Variants in PRKCB observed in about 807,000 individuals in gnomAD.
PRKCB encodes protein kinase C beta.
Under a neutral mutation model 81.5 loss-of-function variants are expected in PRKCB, and 13 were observed. The observed-to-expected ratio is 0.16, with a 90% confidence interval of 0.10 to 0.25. The LOEUF is 0.25. Ranked by LOEUF, PRKCB falls within the 10% of genes least tolerant of loss-of-function variation. The probability of loss-of-function intolerance (pLI) is 1.00; values close to 1 mark genes in which losing one functional copy is unlikely to be tolerated. For synonymous variants in PRKCB, 335 were observed against 321.4 expected, an observed-to-expected ratio of 1.04 and a Z score of -0.45; for missense variants, 509 against 875.7, an observed-to-expected ratio of 0.58 and a Z score of 5.29.
At chr16:23,907,758 CGGGA>C (rs1453005120) in intron 2 of PRKCB, among the ~76,000 whole-genome samples, 1 of 151,976 alleles carries the variant, frequency 6.6e-6, no homozygotes, top group East Asian at 1.9e-4. Context: ...CGGTCGACTC[CGGGA>C]GGAACAGAGG....
intron 2 of PRKCB, among the ~76,000 whole-genome samples, chr16:23,871,464 T>C (rs931206722): frequency 6.6e-6 from 1 of 152,136 alleles, no homozygotes; most frequent in African/African-American, 2.4e-5. Context: ...TTCCCCAGGA[T>C]CATGGCATTA....
intron 2 of PRKCB, among the ~76,000 whole-genome samples, chr16:23,898,448 C>T (rs568856447): frequency 6.6e-6 from 1 of 152,148 alleles, no homozygotes; most frequent in Non-Finnish European, 1.5e-5. Flanking sequence ...ATTAGACAAT[C>T]CTCCCATCAT....
At chr16:23,988,459 C>T in intron 2 of PRKCB, 49 bp from the exon 3 acceptor site, 8 of 1,492,528 alleles carry the variant, frequency 5.4e-6, no homozygotes, top group Non-Finnish European at 6.5e-6. Flanking sequence ...TCTTCCTCCT[C>T]TCCGCTTTCC....
At chr16:24,036,725 C>T (rs1280821248) in intron 5 of PRKCB, among the ~76,000 whole-genome samples, 3 of 152,134 alleles carry the variant, frequency 2.0e-5, no homozygotes, top group Admixed American at 6.5e-5. Context: ...TCCAAGTGGT[C>T]GCCTGCCTCC....
chr16:24,030,944 G>A (rs1257919384), intron 3 of PRKCB, among the ~76,000 whole-genome samples: 1 of 150,068 alleles, frequency 6.7e-6, no homozygotes, highest in African/African-American at 2.5e-5. Context: ...TGCACCTGTA[G>A]TCCCAGCTAC....
At chr16:24,126,811 C>A (rs970076146) in intron 9 of PRKCB, among the ~76,000 whole-genome samples, 1 of 151,848 alleles carries the variant, frequency 6.6e-6, no homozygotes, top group Non-Finnish European at 1.5e-5. Context: ...GCTGGGATTA[C>A]AGACATGAGC....
At chr16:24,126,261 T>C (rs1966844132) in intron 9 of PRKCB, among the ~76,000 whole-genome samples, 1 of 152,114 alleles carries the variant, frequency 6.6e-6, no homozygotes, top group South Asian at 2.1e-4. Context: ...GAGGTCAAGA[T>C]ACGTAAAATG....
At chr16:23,952,348 G>A (rs1964294776) in intron 2 of PRKCB, among the ~76,000 whole-genome samples, 3 of 152,198 alleles carry the variant, frequency 2.0e-5, no homozygotes, top group South Asian at 2.1e-4. Context: ...GTGCACGCAC[G>A]TCAGGGGTTT....
At chr16:24,199,928 A>G (rs1182191552) in intron 16 of PRKCB, among the ~76,000 whole-genome samples, 1 of 152,262 alleles carries the variant, frequency 6.6e-6, no homozygotes, top group Non-Finnish European at 1.5e-5. Flanking sequence ...TTGTGCTACC[A>G]GGAGAGTCAT....
At chr16:23,905,541 A>G (rs1663952254) in intron 2 of PRKCB, among the ~76,000 whole-genome samples, 1 of 152,186 alleles carries the variant, frequency 6.6e-6, no homozygotes, top group Non-Finnish European at 1.5e-5. Context: ...ATCCTAAAAC[A>G]CTATTTGTTG....
At chr16:23,843,012 A>G (rs1320177126) in intron 2 of PRKCB, among the ~76,000 whole-genome samples, 1 of 152,244 alleles carries the variant, frequency 6.6e-6, no homozygotes, top group Non-Finnish European at 1.5e-5. Context: ...CCAAATCATG[A>G]CATGAATCCA....
intron 2 of PRKCB, among the ~76,000 whole-genome samples, chr16:23,890,472 C>A (rs531495313): frequency 6.6e-6 from 1 of 152,288 alleles, no homozygotes. Context: ...AGGAGAGACG[C>A]TCCCTGGGAC....
At chr16:24,203,741 C>T (rs965752264) in intron 16 of PRKCB, among the ~76,000 whole-genome samples, 1 of 152,002 alleles carries the variant, frequency 6.6e-6, no homozygotes, top group Non-Finnish European at 1.5e-5. Flanking sequence ...CCACAAAATG[C>T]CCCCCCAAAT....
intron 7 of PRKCB, among the ~76,000 whole-genome samples, chr16:24,112,490 A>G (rs1966687305): frequency 6.6e-6 from 1 of 152,166 alleles, no homozygotes; most frequent in South Asian, 2.1e-4. Flanking sequence ...GTGAGCTGTG[A>G]TTGCACTATT....
At chr16:24,126,862 A>T (rs1373465081) in intron 9 of PRKCB, among the ~76,000 whole-genome samples, 1 of 151,452 alleles carries the variant, frequency 6.6e-6, no homozygotes, top group East Asian at 1.9e-4. Context: ...TTGTAGAGAC[A>T]TGGTCTCACT....
intron 2 of PRKCB, among the ~76,000 whole-genome samples, chr16:23,983,439 G>A (rs959323233): frequency 2.6e-5 from 4 of 152,144 alleles, no homozygotes; most frequent in South Asian, 2.1e-4. Context: ...GTAATTGGAA[G>A]CCTACCTAAA....
chr16:24,169,367 A>G (rs1353947615), intron 10 of PRKCB, among the ~76,000 whole-genome samples: 1 of 152,164 alleles, frequency 6.6e-6, no homozygotes, highest in African/African-American at 2.4e-5. Context: ...ACGTTCAGTC[A>G]CATTTCGCAT....
intron 11 of PRKCB, chr16:24,174,199 G>C (rs1237460900): frequency 8.7e-6 from 2 of 229,392 alleles, no homozygotes; most frequent in African/African-American, 4.5e-5. Flanking sequence ...ATTTTTAGTA[G>C]AGACAAGGTC....
At chr16:23,941,954 A>G (rs1322975291) in intron 2 of PRKCB, among the ~76,000 whole-genome samples, 1 of 152,266 alleles carries the variant, frequency 6.6e-6, no homozygotes, top group Non-Finnish European at 1.5e-5. Flanking sequence ...TGAATACCAA[A>G]TTAACACTAT....
Sources: gnomAD v4.1 joint callset for allele counts (sites outside exome capture counted in the v4.1 genomes callset) on GRCh38, gnomAD v4.1.1 for gene constraint, MANE v1.5 for transcripts, NCBI Gene and HGNC (gene_info 2026-07-23, HGNC 2026-07-21) for gene names.